Variants in ARID1B observed in about 807,000 individuals in gnomAD.
ARID1B encodes the protein AT-rich interaction domain 1B, also known as AT-rich interactive domain-containing protein 1B.
Under a neutral mutation model 212.3 loss-of-function variants are expected in ARID1B, and 30 were observed. That is an observed-to-expected ratio of 0.14 (90% CI 0.11 to 0.19). The LOEUF is 0.19. Among genes scored for constraint, ARID1B ranks in the 10% least tolerant of loss-of-function variants. The pLI is 1.00. For missense variants in ARID1B, 2,891 were observed against 3,204.0 expected, an observed-to-expected ratio of 0.90 and a Z score of 2.36; for synonymous variants, 1,402 against 1,301.7, an observed-to-expected ratio of 1.08 and a Z score of -1.66.
At chr6:156,935,285 G>T (rs1792102465) in intron 3 of ARID1B, among the ~76,000 whole-genome samples, 181 bp from the exon 4 acceptor site, 1 of 151,936 alleles carries the variant, frequency 6.6e-6, no homozygotes, top group Non-Finnish European at 1.5e-5. Context: ...TCCCTACATT[G>T]CCCAGGCTGG....
At chr6:156,941,970 G>A (rs998962658) in intron 4 of ARID1B, 19 of 152,156 alleles carry the variant, frequency 1.2e-4, no homozygotes, top group African/African-American at 3.9e-4. Context: ...TTGCTTAGTG[G>A]TAATGTTTTA....
At chr6:157,097,744 C>T (rs1327195524) in intron 5 of ARID1B, among the ~76,000 whole-genome samples, 1 of 152,182 alleles carries the variant, frequency 6.6e-6, no homozygotes, top group East Asian at 1.9e-4. Context: ...AGCAGGCAGG[C>T]GCCTCAGCTA....
intron 16 of ARID1B, among the ~76,000 whole-genome samples, chr6:157,196,896 T>A (rs1012212220): frequency 1.3e-5 from 2 of 152,168 alleles, no homozygotes; most frequent in Non-Finnish European, 2.9e-5. Flanking sequence ...AAGGAAGTCA[T>A]CTTGAAATGA....
At chr6:156,982,666 C>G (rs561531521) in intron 4 of ARID1B, among the ~76,000 whole-genome samples, 1 of 152,138 alleles carries the variant, frequency 6.6e-6, no homozygotes, top group South Asian at 2.1e-4. Context: ...ATCTGCCAAT[C>G]TGACTGTTAA....
rs1457493454 is a variant in ARID1B at position 156,778,988 on chromosome 6, C to T, written c.1308C>T (p.Gly436=). ...AAAAAAAAGG[G]GGGGYGGSSA... ...CGGCGGCGGCAGCAGCAGGAGGCGG[C>T]GGCGGCGGCGGCTATGGGGGCTCGT... is the stretch of plus-strand genomic sequence containing the variant. The change falls in exon 1 of 20, where the codon GGC becomes GGT. Residue 436 remains glycine (G), a synonymous_variant. Coordinates refer to ENST00000636930, the MANE Select transcript of ARID1B (RefSeq NM_001374828.1). 2.4e-6 allele frequency: 3 copies of T among 1,270,576 alleles called. No homozygotes were observed. Among genetic ancestry groups the T allele is most frequent in the South Asian group, 3.2e-5 (1 of 31,282 alleles). 78.7% of individuals were successfully genotyped at this position (1,270,576 alleles called of 1,614,324 possible). A position where few individuals can be genotyped will look rare whatever the true frequency, so the allele number is the denominator to read the frequency against.
chr6:157,047,007 T>G (rs17088057), intron 4 of ARID1B, among the ~76,000 whole-genome samples: 41,856 of 151,914 alleles, frequency 0.28, 6,096 homozygotes, highest in Non-Finnish European at 0.32. Flanking sequence ...AATGCCTGTG[T>G]TGTTGTTTTT....
At chr6:157,122,223 T>G (rs950839772) in intron 6 of ARID1B, among the ~76,000 whole-genome samples, 1 of 152,164 alleles carries the variant, frequency 6.6e-6, no homozygotes, top group African/African-American at 2.4e-5. Context: ...GTCTCCATAA[T>G]AGAGATTGAA....
At chr6:156,930,726 A>G (rs543550448) in intron 3 of ARID1B, among the ~76,000 whole-genome samples, 17 of 152,364 alleles carry the variant, frequency 1.1e-4, no homozygotes, top group African/African-American at 4.1e-4. Flanking sequence ...AAAAAAAAGA[A>G]TAAAGTAGAT....
chr6:157,122,943 A>G (rs749851434), intron 6 of ARID1B, among the ~76,000 whole-genome samples: 2 of 152,026 alleles, frequency 1.3e-5, no homozygotes, highest in Non-Finnish European at 2.9e-5. Context: ...CAGCCTCCCA[A>G]AGTACTGGGA....
At chr6:156,976,886 A>T (rs1450438612) in intron 4 of ARID1B, 2 of 572,826 alleles carry the variant, frequency 3.5e-6, no homozygotes, top group Admixed American at 1.9e-5. Flanking sequence ...CAGGCGGGCT[A>T]AACAAGTGTG....
intron 4 of ARID1B, among the ~76,000 whole-genome samples, chr6:157,058,281 T>C (rs1202592783): frequency 6.6e-6 from 1 of 151,286 alleles, no homozygotes; most frequent in Admixed American, 6.6e-5. Flanking sequence ...TTTTTTTTTT[T>C]TGAGACGAAG....
At chr6:157,205,975 A>G (rs1373757815) in intron 19 of ARID1B, 192 bp from the exon 20 acceptor site, 1 of 658,828 alleles carries the variant, frequency 1.5e-6, no homozygotes, top group Non-Finnish European at 2.7e-6. Flanking sequence ...TTTAGTTTAT[A>G]CTGTAAAATT....
chr6:157,010,302 T>TTTGTTGTTG (rs1448473162), intron 4 of ARID1B, among the ~76,000 whole-genome samples: 1 of 120,942 alleles, frequency 8.3e-6, no homozygotes. Flanking sequence ...TTTTTTTTTT[T>TTTGTTGTTG]TTGTTGTTGT....
chr6:156,971,432 C>T lies in ARID1B; in HGVS notation c.2247+35856C>T, dbSNP rs142718931. ...ATGTTGAAAGAACTTTGTGTGTGCA[C>T]GCACCTGTGTGTGTATGCAGAGAAA... is the stretch of plus-strand genomic sequence containing the variant. On this transcript the variant is annotated intron_variant, in intron 4 of 19. Transcript: ENST00000636930. Among the ~76,000 whole-genome samples, 457 of 152,220 alleles carry T rather than the reference C, an allele frequency of 3.0e-3. 4 individuals carry two copies. Among genetic ancestry groups the T allele is most frequent in the African/African-American group, 0.01 (434 of 41,524 alleles).
chr6:157,039,318 A>ATTTTTTTTTTTTTTTTTTTTTTTT (rs1215591720), intron 4 of ARID1B, among the ~76,000 whole-genome samples: 6 of 112,816 alleles, frequency 5.3e-5, no homozygotes, highest in Non-Finnish European at 7.4e-5. Flanking sequence ...GAAATTTGAC[A>ATTTTTTTTTTTTTTTTTTTTTTTT]TTTCTTTTTT....
intron 4 of ARID1B, among the ~76,000 whole-genome samples, chr6:157,077,680 C>T (rs1324160365): frequency 6.6e-6 from 1 of 152,158 alleles, no homozygotes; most frequent in Non-Finnish European, 1.5e-5. Context: ...TACTAATTCA[C>T]CCTCCATCAT....
In ARID1B at chr6:157,201,265, G is replaced by T; in HGVS notation, c.5040G>T (p.Ala1680=). 1 of 1,614,042 alleles carries T rather than the reference G, an allele frequency of 6.2e-7. No individual in the cohort carries two copies. The highest frequency in any genetic ancestry group is 1.7e-5 in the Admixed American group (1 of 60,006). The change falls in exon 18 of 20, where the codon GCG becomes GCT. Residue 1680 remains alanine (A), a synonymous_variant. Transcript: ENST00000636930. This position sits in a 1 kb window ranked among gnomAD's most constrained non-coding sequence, Gnocchi z 5.2. ...ACATCTCCAGGGCGCCCAGCCCAGC[G>T]TCCTTCCAGCGCTCCCTGGAGAACC... ...PNHISRAPSP[A]SFQRSLENRM... is the part of the protein sequence containing the mutation.
intron 1 of ARID1B, among the ~76,000 whole-genome samples, chr6:156,821,763 C>T (rs1782370308): frequency 6.6e-6 from 1 of 152,200 alleles, no homozygotes; most frequent in South Asian, 2.1e-4. Context: ...ATTCCATGAA[C>T]TCCTCTGACA....
At chr6:157,047,384 G>A (rs9322596) in intron 4 of ARID1B, among the ~76,000 whole-genome samples, 42,603 of 152,032 alleles carry the variant, frequency 0.28, 6,244 homozygotes, top group Non-Finnish European at 0.32. Context: ...ATTATAATCA[G>A]AGGAGTTCTT....
Sources: allele counts gnomAD v4.1 joint callset (sites outside exome capture counted in the v4.1 genomes callset), GRCh38; gene constraint gnomAD v4.1.1; non-coding constraint Gnocchi (gnomAD v3.1); transcripts MANE v1.5; gene names NCBI Gene and HGNC (gene_info 2026-07-23, HGNC 2026-07-21).